The following L3MBTL4 variants were observed in gnomAD, a reference collection of about 807,000 sequenced individuals.
L3MBTL4 encodes the protein lethal(3)malignant brain tumor-like protein 4.
A neutral mutation model predicts 84.5 loss-of-function variants in L3MBTL4; 70 were observed. That is an observed-to-expected ratio of 0.83 (90% CI 0.68 to 1.01). L3MBTL4 has a LOEUF of 1.01. L3MBTL4 is among the 50% of genes least tolerant of loss of function. The pLI, the probability that L3MBTL4 is intolerant of heterozygous loss-of-function variation, is 0.00. For synonymous variants in L3MBTL4, 274 were observed against 259.8 expected, an observed-to-expected ratio of 1.05 and a Z score of -0.52; for missense variants, 715 against 754.8, an observed-to-expected ratio of 0.95 and a Z score of 0.62.
At chr18:6,103,104 T>G (rs1212373085) in intron 14 of L3MBTL4, among the ~76,000 whole-genome samples, 1 of 152,254 alleles carries the variant, frequency 6.6e-6, no homozygotes, top group African/African-American at 2.4e-5. Flanking sequence ...TAATGTACTG[T>G]AAGTAATTTG....
At chr18:6,291,825 C>G (rs1306896724) in intron 4 of L3MBTL4, among the ~76,000 whole-genome samples, 1 of 152,128 alleles carries the variant, frequency 6.6e-6, no homozygotes, top group Admixed American at 6.6e-5. Flanking sequence ...AAAGCACAGA[C>G]AACCAAATCA....
At chr18:6,185,960 C>CTATT (rs976327212) in intron 12 of L3MBTL4, among the ~76,000 whole-genome samples, 3 of 145,784 alleles carry the variant, frequency 2.1e-5, no homozygotes, top group African/African-American at 8.1e-5. Context: ...AGGGCACTTT[C>CTATT]TTTATTTTAT....
At chr18:6,109,493 G>T (rs2059122571) in intron 14 of L3MBTL4, among the ~76,000 whole-genome samples, 1 of 152,100 alleles carries the variant, frequency 6.6e-6, no homozygotes, top group Non-Finnish European at 1.5e-5. Flanking sequence ...CCCTTTGCTG[G>T]CCTGAGCACC....
intron 14 of L3MBTL4, among the ~76,000 whole-genome samples, chr18:6,101,503 A>C (rs1251193321): frequency 6.6e-6 from 1 of 152,130 alleles, no homozygotes; most frequent in Non-Finnish European, 1.5e-5. Flanking sequence ...TTTCTAAATG[A>C]AGAACTTGTT....
At chr18:5,956,553 C>T in intron 18 of L3MBTL4, among the ~76,000 whole-genome samples, 166 bp from the exon 19 acceptor site, 1 of 152,166 alleles carries the variant, frequency 6.6e-6, no homozygotes, top group East Asian at 1.9e-4. Context: ...TTAGTTACAA[C>T]CATTGCTCCA....
In L3MBTL4 at chr18:6,215,548, C is replaced by T. The variant is rs76531599; in HGVS notation, c.870+202G>A. Among the ~76,000 whole-genome samples the T allele has an allele frequency of 2.7e-3, 409 of 152,288 alleles. 2 individuals are homozygous for T. The highest frequency in any genetic ancestry group is 9.4e-3 in the African/African-American group (391 of 41,560). On this transcript the variant is annotated intron_variant, in intron 11 of 18. Transcript: ENST00000317931. ...TTTGCCATTTTTCAAGGAAGGAAAC[C>T]ATCATCTACATTTCTATATGGGAAC... is the stretch of plus-strand genomic sequence containing the variant.
At chr18:6,110,132 G>T (rs1012230474) in intron 14 of L3MBTL4, among the ~76,000 whole-genome samples, 1 of 152,182 alleles carries the variant, frequency 6.6e-6, no homozygotes, top group African/African-American at 2.4e-5. Context: ...CTCCCAGGCT[G>T]GGAGTGTCTC....
chr18:6,347,799 A>G (rs1376395186), intron 1 of L3MBTL4, among the ~76,000 whole-genome samples: 1 of 151,954 alleles, frequency 6.6e-6, no homozygotes, highest in Non-Finnish European at 1.5e-5. Flanking sequence ...ATATTACACT[A>G]GATGTCCTAA....
chr18:6,151,125 C>T (rs1167675158), intron 13 of L3MBTL4, among the ~76,000 whole-genome samples: 3 of 152,262 alleles, frequency 2.0e-5, no homozygotes, highest in African/African-American at 7.2e-5. Context: ...TTGAAGCTTC[C>T]AGATCCCACA....
At chr18:6,351,375 G>A (rs902617206) in intron 1 of L3MBTL4, among the ~76,000 whole-genome samples, 4 of 152,018 alleles carry the variant, frequency 2.6e-5, no homozygotes, top group Admixed American at 2.0e-4. Flanking sequence ...AAGGCAATGG[G>A]GATTGATTGT....
intron 16 of L3MBTL4, among the ~76,000 whole-genome samples, chr18:6,036,270 C>T (rs1032718487): frequency 1.3e-5 from 2 of 151,832 alleles, no homozygotes; most frequent in Non-Finnish European, 2.9e-5. Flanking sequence ...TTCTCTATAC[C>T]CCTTTCTCTC....
intron 10 of L3MBTL4, 21 bp from the exon 11 acceptor site, chr18:6,215,856 A>G: frequency 7.7e-7 from 1 of 1,296,954 alleles, no homozygotes; most frequent in Non-Finnish European, 1.1e-6. Flanking sequence ...ATATATATAA[A>G]TAGCAAAAGA....
chr18:6,073,425 C>T (rs959537945), intron 16 of L3MBTL4, among the ~76,000 whole-genome samples: 2 of 151,952 alleles, frequency 1.3e-5, no homozygotes, highest in African/African-American at 2.4e-5. Flanking sequence ...AATTAAAATT[C>T]TTTCAATAAA....
intron 14 of L3MBTL4, among the ~76,000 whole-genome samples, chr18:6,098,895 G>C (rs2058723896): frequency 6.6e-6 from 1 of 152,176 alleles, no homozygotes; most frequent in African/African-American, 2.4e-5. Flanking sequence ...CTTTATGAAG[G>C]AGTAGGTAGG....
In L3MBTL4 at chr18:5,956,474, T is replaced by G. The variant is rs1242362241; in HGVS notation, c.1678-87A>C. 8 of 1,254,256 alleles carry G rather than the reference T, an allele frequency of 6.4e-6. No individual in the cohort carries two copies. The Admixed American group carries it at 1.1e-4, about 17-fold the overall frequency. 77.7% of individuals were successfully genotyped at this position (1,254,256 alleles called of 1,614,324 possible). On this transcript the variant is annotated intron_variant, in intron 18 of 18. Transcript: ENST00000317931. ...AGTAACACTTTGGTTCTGAGTGTGA[T>G]GTGGAACCCGTCATAGCCTCCGTGT...
chr18:6,164,626 A>T (rs1186248539), intron 13 of L3MBTL4, among the ~76,000 whole-genome samples: 16 of 152,222 alleles, frequency 1.1e-4, no homozygotes, highest in Admixed American at 7.2e-4. Context: ...GGTCCTGACC[A>T]TTAGAAGGAA....
At chr18:5,957,842 G>T (rs543630027) in intron 18 of L3MBTL4, among the ~76,000 whole-genome samples, 3 of 151,306 alleles carry the variant, frequency 2.0e-5, no homozygotes, top group Non-Finnish European at 2.9e-5. Flanking sequence ...AGTGGCATGC[G>T]CCTGTAGTCC....
At chr18:6,077,728 A>G (rs2057907539) in intron 16 of L3MBTL4, among the ~76,000 whole-genome samples, 1 of 152,036 alleles carries the variant, frequency 6.6e-6, no homozygotes, top group African/African-American at 2.4e-5. Context: ...CTTAAAAAAA[A>G]AAAAAAAATG....
intron 1 of L3MBTL4, among the ~76,000 whole-genome samples, chr18:6,389,284 T>C (rs1327149386): frequency 6.6e-6 from 1 of 152,084 alleles, no homozygotes; most frequent in Non-Finnish European, 1.5e-5. Context: ...CTACAAGAAA[T>C]GCTAAAAGGA....
Sources: gnomAD v4.1 joint callset for allele counts (sites outside exome capture counted in the v4.1 genomes callset) on GRCh38, gnomAD v4.1.1 for gene constraint, MANE v1.5 for transcripts, NCBI Gene and HGNC (gene_info 2026-07-23, HGNC 2026-07-21) for gene names.